IL2RB: variants seen among roughly 807,000 people sequenced by gnomAD.
IL2RB encodes the protein interleukin-2 receptor subunit beta.
IL2RB carries 17 observed loss-of-function variants against 44.2 expected under a neutral mutation model. The observed-to-expected ratio is 0.38, with a 90% CI of 0.26 to 0.58. The LOEUF (loss-of-function observed/expected upper bound fraction) is 0.58. Among genes scored for constraint, IL2RB ranks in the 20% least tolerant of loss-of-function variants. The pLI is 0.63. For missense variants in IL2RB, 624 were observed against 685.5 expected (o/e 0.91, Z 1.00); for synonymous variants, 286 against 297.9 (o/e 0.96, Z 0.41).
At chr22:37,150,731 CCACTGCCCTTCCCATCTCCAT>C (rs1922455479), upstream of IL2RB, among the ~76,000 whole-genome samples, 1 of 152,110 alleles carries the variant, frequency 6.6e-6, no homozygotes, top group South Asian at 2.1e-4. Context: ...CCTCCAACCC[CCACTGCCCTTCCCATCTCCAT>C]CACTGCCCTT....
At chr22:37,131,070 G>C (rs1921399675) in intron 9 of IL2RB, among the ~76,000 whole-genome samples, 1 of 152,236 alleles carries the variant, frequency 6.6e-6, no homozygotes, top group African/African-American at 2.4e-5. Context: ...GGGAGACTGA[G>C]GCAGGAGCAT....
intron 7 of IL2RB, 39 bp from the exon 8 acceptor site, chr22:37,135,481 G>T: frequency 7.4e-7 from 1 of 1,349,490 alleles, no homozygotes; most frequent in Non-Finnish European, 1.1e-6. Context: ...AGAGGGGTTA[G>T]AGAAGTGCCC....
rs556873180 is a variant in IL2RB, at chr22:37,129,010, C to T, written c.904-162G>A. On this transcript the variant is annotated intron_variant, in intron 9 of 9. Transcript: ENST00000216223. ...CCCTGATTATAGCCCCGCACTCCCC[C>T]AACCCACCCACTGGCTTGGGGGCCC... is the stretch of plus-strand genomic sequence containing the variant. 2.6e-5 allele frequency among the ~76,000 whole-genome samples: 4 copies of T among 152,336 alleles called. No individual in the cohort carries two copies. The South Asian group carries it at 8.3e-4, about 32-fold the overall frequency.
chr22:37,160,679 C>CAAAAAAAAAAAAAAA lies in IL2RB; in HGVS notation c.-34+14264_-34+14278dup, dbSNP rs10605445. ...CAACATGCCGAAACCCTGTCTATGC[C>CAAAAAAAAAAAAAAA]AAAAAAAAAAAAAAAAAAATTTAGC... On this transcript the variant is annotated intron_variant, in intron 1 of 5. Coordinates refer to the IL2RB transcript ENST00000429622. 1.2e-3 allele frequency among the ~76,000 whole-genome samples: 169 copies of CAAAAAAAAAAAAAAA among 135,998 alleles called. 1 individual carries two copies. The highest frequency in any genetic ancestry group is 4.1e-3 in the African/African-American group (142 of 34,388). 89.2% of individuals were successfully genotyped at this position (135,998 alleles called of 152,430 possible).
chr22:37,160,679 C>CAAAAAAAAAAAAA lies in IL2RB; in HGVS notation c.-34+14266_-34+14278dup, dbSNP rs10605445. ...CAACATGCCGAAACCCTGTCTATGC[C>CAAAAAAAAAAAAA]AAAAAAAAAAAAAAAAAAATTTAGC... On this transcript the variant is annotated intron_variant, in intron 1 of 5. Coordinates refer to the IL2RB transcript ENST00000429622. Among the ~76,000 whole-genome samples, 177 of 135,986 alleles carry CAAAAAAAAAAAAA rather than the reference C, an allele frequency of 1.3e-3. 4 individuals are homozygous for CAAAAAAAAAAAAA. The highest frequency in any genetic ancestry group is 5.0e-3 in the African/African-American group (172 of 34,380). The allele number at this position is 135,986 out of a possible 152,430, so 89.2% of individuals were successfully genotyped here.
In IL2RB at chr22:37,142,661, GCCTCCCCCACTGGCTCCATGGCATT is replaced by G. The variant is rs776007319; in HGVS notation, c.204-174_204-150del. On this transcript the variant is annotated intron_variant, in intron 3 of 9. Coordinates refer to ENST00000216223, the MANE Select transcript of IL2RB (RefSeq NM_000878.5). Reference sequence around the variant, plus strand: ...TGTGCCAACCACTGTGAGGGGCACTGCCTCCCCCACTGGCTCCATGGCATTCCTCCCTCATGGGCACCTTGTCCTG... The same window carrying G: ...TGTGCCAACCACTGTGAGGGGCACTGCCTCCCTCATGGGCACCTTGTCCTG... 1.7e-5 allele frequency: 13 copies of G among 752,366 alleles called. 1 individual carries two copies. The South Asian group carries it at 1.9e-4, about 11-fold the overall frequency. The allele number at this position is 752,366 out of a possible 1,614,324, so 46.6% of individuals were successfully genotyped here. A position where few individuals can be genotyped will look rare whatever the true frequency, so the allele number is the denominator to read the frequency against.
chr22:37,150,247 C>T (rs1922427411), upstream of IL2RB, among the ~76,000 whole-genome samples: 1 of 152,110 alleles, frequency 6.6e-6, no homozygotes, highest in Admixed American at 6.5e-5. Flanking sequence ...CCCAACACCT[C>T]TGACGCCTCC....
intron 1 of IL2RB, among the ~76,000 whole-genome samples, chr22:37,172,311 T>A (rs229500): frequency 0.065 from 9,845 of 152,186 alleles, 1,077 homozygotes; most frequent in African/African-American, 0.22. Context: ...TAGCCCCAGC[T>A]CCTTGGCGCC....
At chr22:37,129,963 A>G (rs1020269637) in intron 9 of IL2RB, among the ~76,000 whole-genome samples, 3 of 152,228 alleles carry the variant, frequency 2.0e-5, no homozygotes, top group African/African-American at 7.2e-5. Context: ...TTAATGAACC[A>G]GCAACAAATG....
chr22:37,163,668 G>A (rs535895965), intron 1 of IL2RB, among the ~76,000 whole-genome samples: 6 of 151,224 alleles, frequency 4.0e-5, no homozygotes, highest in African/African-American at 7.4e-5. Flanking sequence ...TTATACCCCC[G>A]CCCTGAGGCC....
At chr22:37,135,803 G>A (rs1170509723) in intron 7 of IL2RB, among the ~76,000 whole-genome samples, 1 of 151,580 alleles carries the variant, frequency 6.6e-6, no homozygotes, top group Non-Finnish European at 1.5e-5. Context: ...GCTTGAACTC[G>A]AAATGTGGTG....
In IL2RB at chr22:37,139,114, C is replaced by T. The variant is rs1364068252; in HGVS notation, c.388+3G>A. ...CCAGCCCCACCCTGGCTTCCTCACTCACGGTTCTCAAAGGGCTTGAAGTCC... is the reference window on the plus strand; with the variant it reads ...CCAGCCCCACCCTGGCTTCCTCACTTACGGTTCTCAAAGGGCTTGAAGTCC... On this transcript the variant is annotated splice_donor_region_variant and intron_variant, in intron 5 of 9. Coordinates refer to ENST00000216223, the MANE Select transcript of IL2RB (RefSeq NM_000878.5). The T allele has an allele frequency of 6.2e-7, 1 of 1,603,580 alleles. No homozygotes were observed. Among genetic ancestry groups the T allele is most frequent in the East Asian group, 2.2e-5 (1 of 44,844 alleles).
Position 37,148,250 on chromosome 22 carries a change from G to T in IL2RB, c.-34+1575C>A, listed in dbSNP as rs148319179. On this transcript the variant is annotated intron_variant, in intron 1 of 9. Coordinates refer to ENST00000216223, the MANE Select transcript of IL2RB (RefSeq NM_000878.5). Reference sequence around the variant, plus strand: ...AGGATGGTGTGGGGGTGCCAGAGGGGCACAGAGCTGAGGGAGCGCCTGGCA... The same window carrying T: ...AGGATGGTGTGGGGGTGCCAGAGGGTCACAGAGCTGAGGGAGCGCCTGGCA... 7.0e-4 allele frequency among the ~76,000 whole-genome samples: 106 copies of T among 152,308 alleles called. 4 individuals are homozygous for T. In the East Asian group the frequency reaches 0.02, roughly 29 times the overall value.
At chr22:37,152,506 G>A (rs541655745), upstream of IL2RB, among the ~76,000 whole-genome samples, 3 of 152,150 alleles carry the variant, frequency 2.0e-5, no homozygotes, top group East Asian at 1.9e-4. Context: ...AGATAATATC[G>A]TCTACAAACA....
intron 1 of IL2RB, among the ~76,000 whole-genome samples, chr22:37,164,298 C>G (rs1004924104): frequency 6.6e-6 from 1 of 152,068 alleles, no homozygotes; most frequent in East Asian, 1.9e-4. Flanking sequence ...CTGGCCAGTG[C>G]ACAAGGGGTC....
intron 9 of IL2RB, 135 bp downstream of exon 9, chr22:37,132,249 C>G (rs555904099): frequency 1.6e-6 from 1 of 632,452 alleles, no homozygotes. Context: ...GAGAAGAGAC[C>G]CATGCACACC....
At chr22:37,142,554 C>G in intron 3 of IL2RB, 42 bp from the exon 4 acceptor site, 1 of 1,581,142 alleles carries the variant, frequency 6.3e-7, no homozygotes, top group South Asian at 1.1e-5. Flanking sequence ...CAGGAAGGAC[C>G]CACACAGCTG....
At chr22:37,159,643 G>A (rs1042732630) in intron 1 of IL2RB, among the ~76,000 whole-genome samples, 18 of 152,198 alleles carry the variant, frequency 1.2e-4, no homozygotes, top group Non-Finnish European at 2.9e-5. Flanking sequence ...AGGTGAGGCC[G>A]AGGGGACAGA....
intron 1 of IL2RB, among the ~76,000 whole-genome samples, chr22:37,155,769 G>A (rs372030400): frequency 0.091 from 16 of 176 alleles, no homozygotes; most frequent in East Asian, 0.5. Flanking sequence ...CCTCCTCCAC[G>A]AGCTCCACGC....
Sources: allele counts gnomAD v4.1 joint callset (sites outside exome capture counted in the v4.1 genomes callset), GRCh38; gene constraint gnomAD v4.1.1; transcripts MANE v1.5; gene names NCBI Gene and HGNC (gene_info 2026-07-23, HGNC 2026-07-21).